The following CSMD1 variants were observed in gnomAD, a reference collection of about 807,000 sequenced individuals.
CSMD1 encodes the protein CUB and sushi domain-containing protein 1.
Under a neutral mutation model 417.5 loss-of-function variants are expected in CSMD1, and 213 were observed. That is an observed-to-expected ratio of 0.51 (90% CI 0.46 to 0.57). The LOEUF is 0.57. CSMD1 is among the 20% of genes least tolerant of loss of function. The pLI, the probability that CSMD1 is intolerant of heterozygous loss-of-function variation, is 0.00. For missense variants in CSMD1, 6,923 were observed against 4,529.7 expected, an observed-to-expected ratio of 1.53 and a Z score of -15.17; for synonymous variants, 2,862 against 1,736.8, an observed-to-expected ratio of 1.65 and a Z score of -16.11.
intron 3 of CSMD1, among the ~76,000 whole-genome samples, chr8:4,054,059 G>A (rs1798568853): frequency 6.6e-6 from 1 of 152,134 alleles, no homozygotes; most frequent in African/African-American, 2.4e-5. Flanking sequence ...AGAGCCAAAT[G>A]CTACTCCTAT....
intron 1 of CSMD1, among the ~76,000 whole-genome samples, chr8:4,677,603 C>A (rs1805777453): frequency 6.6e-6 from 1 of 152,104 alleles, no homozygotes; most frequent in African/African-American, 2.4e-5. Flanking sequence ...TTCTTTATAG[C>A]ATTTATCACT....
intron 11 of CSMD1, among the ~76,000 whole-genome samples, chr8:3,492,211 G>C (rs1030015099): frequency 2.0e-5 from 3 of 152,148 alleles, no homozygotes; most frequent in African/African-American, 7.2e-5. Context: ...CATTGCTTCA[G>C]TGGAGTGTTA....
Position 3,586,126 on chromosome 8 carries a change from G to A in CSMD1, c.1222+10C>T. 1 of 1,609,046 alleles carries A rather than the reference G, an allele frequency of 6.2e-7. No homozygotes were observed. Among genetic ancestry groups the A allele is most frequent in the East Asian group, 2.2e-5 (1 of 44,770 alleles). On this transcript the variant is annotated intron_variant, in intron 9 of 69. Transcript: ENST00000635120. The stretch of plus-strand genomic sequence containing the variant: ...GATAATCCAGGCTTTACCCACCGCA[G>A]GTGCCTTACCTCGGCAGATGGGCCT...
intron 3 of CSMD1, among the ~76,000 whole-genome samples, chr8:4,297,943 G>C (rs895261708): frequency 6.6e-6 from 1 of 152,160 alleles, no homozygotes; most frequent in Non-Finnish European, 1.5e-5. Context: ...GAAAATAAAA[G>C]GCTAGGTGAC....
At chr8:4,267,970 T>G (rs571310058) in intron 3 of CSMD1, among the ~76,000 whole-genome samples, 255 of 152,238 alleles carry the variant, frequency 1.7e-3, no homozygotes, top group African/African-American at 5.9e-3. Flanking sequence ...ATCTATTTTC[T>G]AGAGTCAGTA....
At chr8:4,424,498 T>C (rs915357896) in intron 2 of CSMD1, among the ~76,000 whole-genome samples, 5 of 151,774 alleles carry the variant, frequency 3.3e-5, no homozygotes, top group Non-Finnish European at 7.4e-5. Flanking sequence ...ATACCGCACA[T>C]GATATTTCAG....
At chr8:3,643,974 G>A (rs902146647) in intron 7 of CSMD1, among the ~76,000 whole-genome samples, 1 of 152,190 alleles carries the variant, frequency 6.6e-6, no homozygotes, top group South Asian at 2.1e-4. Flanking sequence ...AATTCTAACA[G>A]AAGAGAACAC....
intron 1 of CSMD1, among the ~76,000 whole-genome samples, chr8:4,859,749 G>C (rs1802015400): frequency 6.6e-6 from 1 of 151,920 alleles, no homozygotes; most frequent in South Asian, 2.1e-4. Flanking sequence ...TCATTAAAAA[G>C]TCAGGAAACA....
rs191969402 is a variant in CSMD1 at position 3,644,462 on chromosome 8, T to C, written c.1010-27665A>G. On this transcript the variant is annotated intron_variant, in intron 7 of 69. Coordinates refer to ENST00000635120, the MANE Select transcript of CSMD1 (RefSeq NM_033225.6). The stretch of plus-strand genomic sequence containing the variant: ...CACGGTAGAAAGAAAAGAGAGCAAC[T>C]CTATGTGCTCCTTGGACATCAAGGC... 2.6e-3 allele frequency among the ~76,000 whole-genome samples: 394 copies of C among 152,228 alleles called. 2 individuals are homozygous for C. The highest frequency in any genetic ancestry group is 9.2e-3 in the African/African-American group (383 of 41,536).
At chr8:3,577,828 T>C (rs1227237009) in intron 9 of CSMD1, among the ~76,000 whole-genome samples, 1 of 152,214 alleles carries the variant, frequency 6.6e-6, no homozygotes. Context: ...TATTTAGTTA[T>C]TGCCTCCTTG....
chr8:3,813,091 GTTTTTT>G (rs10714284), intron 5 of CSMD1, among the ~76,000 whole-genome samples: 3 of 135,514 alleles, frequency 2.2e-5, no homozygotes, highest in Non-Finnish European at 3.2e-5. Flanking sequence ...TTTTAAGCTA[GTTTTTT>G]TTTTTTTTTT....
At chr8:4,212,022 G>A (rs150200369) in intron 3 of CSMD1, among the ~76,000 whole-genome samples, 10 of 152,122 alleles carry the variant, frequency 6.6e-5, no homozygotes, top group Non-Finnish European at 1.5e-4. Context: ...CATTTGTGCA[G>A]CTGTAATGCA....
chr8:3,319,218 A>G (rs1376779045), intron 23 of CSMD1, among the ~76,000 whole-genome samples: 2 of 152,234 alleles, frequency 1.3e-5, no homozygotes, highest in African/African-American at 2.4e-5. Flanking sequence ...TTTTAGCTCC[A>G]AAAACTACTA....
At chr8:4,370,117 T>C (rs1202667079) in intron 3 of CSMD1, among the ~76,000 whole-genome samples, 2 of 151,856 alleles carry the variant, frequency 1.3e-5, no homozygotes, top group South Asian at 2.1e-4. Context: ...GCCTTTTAGA[T>C]AGTCTGGTAA....
chr8:4,650,730 G>C (rs1210070219), intron 1 of CSMD1, among the ~76,000 whole-genome samples: 3 of 150,828 alleles, frequency 2.0e-5, no homozygotes, highest in African/African-American at 4.9e-5. Flanking sequence ...TTAGAGATTT[G>C]AGAGCAGAAA....
intron 2 of CSMD1, among the ~76,000 whole-genome samples, chr8:4,527,738 T>A (rs1489712451): frequency 1.3e-5 from 2 of 152,222 alleles, no homozygotes; most frequent in Non-Finnish European, 2.9e-5. Flanking sequence ...ATGCATCATA[T>A]ACATGACTTT....
At chr8:3,652,121 A>G (rs1797887944) in intron 7 of CSMD1, among the ~76,000 whole-genome samples, 1 of 103,994 alleles carries the variant, frequency 9.6e-6, no homozygotes, top group Non-Finnish European at 2.2e-5. Flanking sequence ...CACGCTTACC[A>G]TCAGAGCGCT....
In CSMD1 at chr8:2,999,994, C is replaced by G; in HGVS notation, c.8167G>C (p.Asp2723His). 6.2e-7 allele frequency: 1 copy of G among 1,609,508 alleles called. No homozygotes were observed. Among genetic ancestry groups the G allele is most frequent in the Non-Finnish European group, 8.5e-7 (1 of 1,179,042 alleles). Reference sequence around the variant, plus strand: ...GGCGTTTGTCCAGACCACTTGTGGTCTTGCAGGCATATCCTCACGGAAGTT... The same window carrying G: ...GGCGTTTGTCCAGACCACTTGTGGTGTTGCAGGCATATCCTCACGGAAGTT... The part of the protein sequence containing the change: ...VGTSVRICLQ[D>H]HKWSGQTPVC... The change falls in exon 53 of 70, where the codon GAC becomes CAC. Residue 2723 changes from aspartate (D) to histidine (H), a missense_variant. Transcript: ENST00000635120.
At chr8:3,845,411 G>C (rs1803435810) in intron 5 of CSMD1, among the ~76,000 whole-genome samples, 1 of 152,162 alleles carries the variant, frequency 6.6e-6, no homozygotes, top group Non-Finnish European at 1.5e-5. Context: ...TGGTTACACA[G>C]TGATAGATAT....
Sources: allele counts gnomAD v4.1 joint callset (sites outside exome capture counted in the v4.1 genomes callset), GRCh38; gene constraint gnomAD v4.1.1; transcripts MANE v1.5; gene names NCBI Gene and HGNC (gene_info 2026-07-23, HGNC 2026-07-21).